The following RASA2 variants were observed in gnomAD, a reference collection of about 807,000 sequenced individuals.
RASA2 encodes RAS p21 protein activator 2.
Under a neutral mutation model 118.2 loss-of-function variants are expected in RASA2, and 155 were observed. That is an observed-to-expected ratio of 1.31 (90% CI 1.15 to 1.50). The LOEUF is 1.50. Among genes scored for constraint, RASA2 ranks in the 40% most tolerant of loss-of-function variants. RASA2 has a pLI of 0.00. For synonymous variants in RASA2, 353 were observed against 349.1 expected, an observed-to-expected ratio of 1.01 and a Z score of -0.12; for missense variants, 1,016 against 1,009.6, an observed-to-expected ratio of 1.01 and a Z score of -0.09.
At chr3:141,586,868 C>A in intron 19 of RASA2, 116 bp downstream of exon 19, 1 of 824,374 alleles carries the variant, frequency 1.2e-6, no homozygotes, top group Non-Finnish European at 2.1e-6. Context: ...TTTATGGTTT[C>A]TCACACTGAT....
intron 14 of RASA2, among the ~76,000 whole-genome samples, chr3:141,574,446 C>T (rs2082978085): frequency 1.3e-5 from 2 of 152,162 alleles, no homozygotes; most frequent in African/African-American, 2.4e-5. Flanking sequence ...GCCTCGGCCT[C>T]CCAAAGTTTC....
Position 141,612,357 on chromosome 3 carries a change from CTTGG to C in RASA2, c.*45_*48del. 1.4e-6 allele frequency: 2 copies of C among 1,481,210 alleles called. No homozygotes were observed. Among genetic ancestry groups the C allele is most frequent in the Non-Finnish European group, 1.8e-6 (2 of 1,081,840 alleles). 91.8% of individuals were successfully genotyped at this position (1,481,210 alleles called of 1,614,324 possible). A position where few individuals can be genotyped will look rare whatever the true frequency, so the allele number is the denominator to read the frequency against. ...AGAAGAACTGGAAAATATTATTTTT[CTTGG>C]AGCTTTTCAATTCATCATGTATTTT... On this transcript the variant is annotated 3_prime_UTR_variant, in exon 24 of 24. Transcript: ENST00000286364.
intron 4 of RASA2, among the ~76,000 whole-genome samples, chr3:141,530,254 T>G (rs1240506883): frequency 6.6e-6 from 1 of 152,090 alleles, no homozygotes; most frequent in Non-Finnish European, 1.5e-5. Flanking sequence ...GTGCACAGCC[T>G]TCACTCCCAC....
rs1351255866 is a variant in RASA2 at position 141,516,382 on chromosome 3, G to A, written c.306G>A (p.Leu102=). The A allele has an allele frequency of 6.4e-7, 1 of 1,565,286 alleles. No homozygotes were observed. The highest frequency in any genetic ancestry group is 1.8e-5 in the Admixed American group (1 of 54,606). Residue 102 remains leucine, a synonymous_variant, in exon 3 of 24, where the codon TTG becomes TTA. Coordinates refer to ENST00000286364, the MANE Select transcript of RASA2 (RefSeq NM_006506.5). ...YFEIPRTFQY[L]SFYVYDKNVL... Reference sequence around the variant, plus strand: ...AGATTCCAAGAACTTTCCAGTATTTGTCTTTCTATGTTTATGATAAGAATG... The same window carrying A: ...AGATTCCAAGAACTTTCCAGTATTTATCTTTCTATGTTTATGATAAGAATG...
At chr3:141,525,777 A>G (rs1403829131) in intron 3 of RASA2, 1 of 152,056 alleles carries the variant, frequency 6.6e-6, no homozygotes, top group Non-Finnish European at 1.5e-5. Context: ...ACTACACTCC[A>G]TCCTGGGCAG....
chr3:141,589,406 G>A (rs1490352203), intron 19 of RASA2, among the ~76,000 whole-genome samples: 3 of 152,006 alleles, frequency 2.0e-5, no homozygotes, highest in Non-Finnish European at 2.9e-5. Flanking sequence ...GATAGCTATG[G>A]ACCCCTTTGT....
At chr3:141,589,113 A>C (rs1265612447) in intron 19 of RASA2, among the ~76,000 whole-genome samples, 1 of 152,188 alleles carries the variant, frequency 6.6e-6, no homozygotes, top group Non-Finnish European at 1.5e-5. Context: ...TGCTGAGATT[A>C]CAGGCATGAG....
intron 1 of RASA2, among the ~76,000 whole-genome samples, chr3:141,501,178 A>G (rs1490747693): frequency 3.3e-5 from 5 of 152,240 alleles, no homozygotes; most frequent in Admixed American, 6.5e-5. Flanking sequence ...TCAGATTTGT[A>G]TCCTCATTTT....
Position 141,614,697 on chromosome 3 carries a change from T to C in RASA2, c.*2384T>C, listed in dbSNP as rs1461949269. The C allele has an allele frequency of 6.6e-6, 1 of 152,242 alleles. No homozygotes were observed. Among genetic ancestry groups the C allele is most frequent in the Non-Finnish European group, 1.5e-5 (1 of 68,042 alleles). 9.4% of individuals were successfully genotyped at this position (152,242 alleles called of 1,614,324 possible). On this transcript the variant is annotated 3_prime_UTR_variant, in exon 24 of 24. Coordinates refer to ENST00000286364, the MANE Select transcript of RASA2 (RefSeq NM_006506.5). The stretch of plus-strand genomic sequence containing the variant: ...TGTGATCTGTTGCTTGTTTCGTTGT[T>C]GTTTTGTTTTTGTGTAGCTTTGTTT...
At chr3:141,577,156 T>G in intron 15 of RASA2, 50 bp downstream of exon 15, 2 of 1,400,806 alleles carry the variant, frequency 1.4e-6, no homozygotes, top group Non-Finnish European at 2.0e-6. Context: ...TAATTTTTAT[T>G]AAAATGAAGA....
intron 4 of RASA2, among the ~76,000 whole-genome samples, chr3:141,540,313 T>C (rs1325476915): frequency 2.0e-5 from 3 of 152,206 alleles, no homozygotes; most frequent in Non-Finnish European, 4.4e-5. Flanking sequence ...CATAAAATTC[T>C]TAAATTTGAA....
intron 19 of RASA2, among the ~76,000 whole-genome samples, chr3:141,593,739 C>T (rs78415363): frequency 0.029 from 4,402 of 152,120 alleles, 239 homozygotes; most frequent in African/African-American, 0.096. Flanking sequence ...AGAGTGGTGG[C>T]GCAGTAGTAA....
intron 9 of RASA2, among the ~76,000 whole-genome samples, chr3:141,565,385 T>C (rs1029824529): frequency 1.3e-5 from 2 of 152,240 alleles, no homozygotes; most frequent in African/African-American, 4.8e-5. Context: ...GTATCAATTG[T>C]CAGGATGCTT....
chr3:141,577,798 A>G (rs2083037488), intron 15 of RASA2, among the ~76,000 whole-genome samples: 1 of 152,184 alleles, frequency 6.6e-6, no homozygotes, highest in Admixed American at 6.5e-5. Context: ...GTAATACTGT[A>G]AACATGAGAT....
intron 2 of RASA2, among the ~76,000 whole-genome samples, chr3:141,512,892 G>A (rs976358024): frequency 6.6e-6 from 1 of 151,958 alleles, no homozygotes; most frequent in Non-Finnish European, 1.5e-5. Context: ...GTGAAACCCC[G>A]TCTCTACGAA....
At chr3:141,601,262 AT>A (rs1433127054) in intron 19 of RASA2, among the ~76,000 whole-genome samples, 1 of 152,110 alleles carries the variant, frequency 6.6e-6, no homozygotes, top group Non-Finnish European at 1.5e-5. Flanking sequence ...CCCCGTTTGT[AT>A]TAAAAATACA....
intron 3 of RASA2, among the ~76,000 whole-genome samples, chr3:141,523,054 GT>G (rs2082133956): frequency 6.6e-6 from 1 of 152,008 alleles, no homozygotes; most frequent in South Asian, 2.1e-4. Flanking sequence ...GTGGAAATGT[GT>G]TTGCTTCTCT....
intron 4 of RASA2, among the ~76,000 whole-genome samples, chr3:141,534,958 T>A (rs1205833334): frequency 6.6e-6 from 1 of 152,208 alleles, no homozygotes; most frequent in Non-Finnish European, 1.5e-5. Flanking sequence ...TATTAAAACA[T>A]CCATCAGAAA....
Position 141,532,369 on chromosome 3 carries a change from A to G in RASA2, c.450+2567A>G, listed in dbSNP as rs532752991. Among the ~76,000 whole-genome samples, 3 of 152,290 alleles carry G rather than the reference A, an allele frequency of 2.0e-5. No homozygotes were observed. In the South Asian group the frequency reaches 6.2e-4, roughly 32 times the overall value. ...AGTAACATCTGAGTGTAAGGAAGAG[A>G]AGCCTGCTCAGATTTGCTCAAAGAA... On this transcript the variant is annotated intron_variant, in intron 4 of 23. Transcript: ENST00000286364.
Sources: allele counts gnomAD v4.1 joint callset (sites outside exome capture counted in the v4.1 genomes callset), GRCh38; gene constraint gnomAD v4.1.1; transcripts MANE v1.5; gene names NCBI Gene and HGNC (gene_info 2026-07-23, HGNC 2026-07-21).